Variants in SGCZ observed in about 807,000 individuals in gnomAD.
SGCZ encodes the protein sarcoglycan zeta.
SGCZ carries 40 observed loss-of-function variants against 41.3 expected under a neutral mutation model. The ratio of observed to expected loss-of-function variants is 0.97; its 90% CI spans 0.75 to 1.26. SGCZ has a LOEUF of 1.26. SGCZ is among the 50% of genes most tolerant of loss of function. The probability of loss-of-function intolerance (pLI) is 0.00; values close to 1 mark genes in which losing one functional copy is unlikely to be tolerated. For missense variants in SGCZ, 552 were observed against 369.8 expected, an observed-to-expected ratio of 1.49 and a Z score of -4.04; for synonymous variants, 206 against 137.5, an observed-to-expected ratio of 1.50 and a Z score of -3.49.
chr8:14,237,810 C>T (rs537537524), intron 3 of SGCZ, 131 bp from the exon 4 acceptor site: 23 of 680,186 alleles, frequency 3.4e-5, no homozygotes, highest in Middle Eastern at 4.2e-4. Context: ...GTTAATTTAA[C>T]GTCCCAATCA....
intron 1 of SGCZ, among the ~76,000 whole-genome samples, chr8:14,608,601 A>C (rs1805828147): frequency 6.6e-6 from 1 of 151,756 alleles, no homozygotes; most frequent in Admixed American, 6.6e-5. Context: ...AGAATTAAAT[A>C]AAACTATATT....
chr8:14,502,729 G>C (rs1390453356), intron 2 of SGCZ, among the ~76,000 whole-genome samples: 1 of 152,166 alleles, frequency 6.6e-6, no homozygotes, highest in Non-Finnish European at 1.5e-5. Flanking sequence ...TTGGAGAAAT[G>C]CAAGTCAAAA....
At chr8:14,798,602 A>G (rs1801214622) in intron 1 of SGCZ, among the ~76,000 whole-genome samples, 1 of 152,186 alleles carries the variant, frequency 6.6e-6, no homozygotes, top group South Asian at 2.1e-4. Context: ...TACTGTACTA[A>G]CTTGATAAAG....
chr8:14,177,310 T>C (rs1223528655), intron 4 of SGCZ, among the ~76,000 whole-genome samples: 1 of 152,148 alleles, frequency 6.6e-6, no homozygotes, highest in Admixed American at 6.5e-5. Flanking sequence ...GGAGAAAGGA[T>C]TGAAACTCCT....
In SGCZ at chr8:14,102,396, G is replaced by T. The variant is rs769125424; in HGVS notation, c.724C>A (p.Leu242Met). The T allele has an allele frequency of 6.6e-7, 1 of 1,519,954 alleles. No individual in the cohort carries two copies. 94.2% of individuals were successfully genotyped at this position (1,519,954 alleles called of 1,614,324 possible). A position where few individuals can be genotyped will look rare whatever the true frequency, so the allele number is the denominator to read the frequency against. The change falls in exon 7 of 8, where the codon CTG becomes ATG. Residue 242 changes from leucine (L) to methionine (M), a missense_variant. By Grantham distance (15) the Leu-to-Met change is conservative. Transcript: ENST00000382080. ...FKATCRKELHLQSTEGEIFLN... is the reference protein window; with the variant it reads ...FKATCRKELHMQSTEGEIFLN... ...CTCACCTCCCCTTCTGTAGATTGCA[G>T]ATGGAGCTCCTTCCTGCAGGTGGCC...
chr8:14,114,038 A>C (rs1011174230), intron 5 of SGCZ, among the ~76,000 whole-genome samples: 3 of 152,024 alleles, frequency 2.0e-5, no homozygotes, highest in African/African-American at 7.2e-5. Context: ...CCTTGTAAAA[A>C]TTACTGGTAT....
At chr8:14,424,487 T>G (rs1799721830) in intron 2 of SGCZ, among the ~76,000 whole-genome samples, 1 of 152,208 alleles carries the variant, frequency 6.6e-6, no homozygotes, top group Admixed American at 6.5e-5. Context: ...CTTATTTTTC[T>G]CTGTGAGTAT....
intron 1 of SGCZ, among the ~76,000 whole-genome samples, chr8:14,771,403 A>G (rs1422140511): frequency 6.6e-6 from 1 of 152,168 alleles, no homozygotes; most frequent in East Asian, 1.9e-4. Flanking sequence ...ATTGAGCTTC[A>G]CATGGCTAAA....
At chr8:15,115,095 A>G (rs1463656334) in intron 1 of SGCZ, among the ~76,000 whole-genome samples, 1 of 152,192 alleles carries the variant, frequency 6.6e-6, no homozygotes, top group Non-Finnish European at 1.5e-5. Context: ...ATAAAAATAT[A>G]AGAGTTTATT....
chr8:14,477,627 T>C (rs780710841), intron 2 of SGCZ, among the ~76,000 whole-genome samples: 1 of 152,184 alleles, frequency 6.6e-6, no homozygotes, highest in Non-Finnish European at 1.5e-5. Flanking sequence ...TGGCTCTATT[T>C]AGCTAAGTCT....
intron 4 of SGCZ, among the ~76,000 whole-genome samples, chr8:14,175,623 G>A (rs1448171046): frequency 6.6e-6 from 1 of 151,840 alleles, no homozygotes; most frequent in African/African-American, 2.4e-5. Flanking sequence ...AAATTAGTAT[G>A]TTTAAAAACA....
At chr8:14,276,680 A>G (rs894152608) in intron 3 of SGCZ, among the ~76,000 whole-genome samples, 10 of 152,002 alleles carry the variant, frequency 6.6e-5, no homozygotes, top group African/African-American at 1.2e-4. Flanking sequence ...TTTGTATTTT[A>G]TACTGTCTCT....
At chr8:14,720,200 T>C (rs1281047274) in intron 1 of SGCZ, among the ~76,000 whole-genome samples, 3 of 152,026 alleles carry the variant, frequency 2.0e-5, no homozygotes, top group African/African-American at 7.2e-5. Flanking sequence ...ATAAATATTT[T>C]ATACTACTTA....
intron 3 of SGCZ, among the ~76,000 whole-genome samples, chr8:14,295,064 T>C (rs140871478): frequency 5.4e-4 from 82 of 152,318 alleles, no homozygotes; most frequent in African/African-American, 1.9e-3. Context: ...CCCAGCATTC[T>C]GTAGAATAAA....
chr8:14,876,274 CA>C (rs1335286479), intron 1 of SGCZ, among the ~76,000 whole-genome samples: 1 of 152,042 alleles, frequency 6.6e-6, no homozygotes, highest in African/African-American at 2.4e-5. Flanking sequence ...AAGAAGAAGA[CA>C]GGGGGAAATG....
At chr8:14,156,004 T>C (rs1260375369) in intron 5 of SGCZ, among the ~76,000 whole-genome samples, 1 of 152,012 alleles carries the variant, frequency 6.6e-6, no homozygotes, top group African/African-American at 2.4e-5. Context: ...TATAAAAGAT[T>C]AAATAATGGT....
chr8:14,361,738 G>T (rs543742902), intron 2 of SGCZ, among the ~76,000 whole-genome samples: 1 of 152,308 alleles, frequency 6.6e-6, no homozygotes, highest in East Asian at 1.9e-4. Flanking sequence ...GAGGAGTTGT[G>T]TTCCTTTGGA....
intron 1 of SGCZ, among the ~76,000 whole-genome samples, chr8:14,606,054 C>T (rs1224428746): frequency 6.6e-6 from 1 of 151,804 alleles, no homozygotes; most frequent in African/African-American, 2.4e-5. Flanking sequence ...TAAGTCTTGC[C>T]GATTACACCT....
At chr8:14,820,028 T>A (rs2130564988) in intron 1 of SGCZ, among the ~76,000 whole-genome samples, 1 of 152,016 alleles carries the variant, frequency 6.6e-6, no homozygotes, top group African/African-American at 2.4e-5. Flanking sequence ...AAAAACCACC[T>A]TGAATATAAA....
Sources: gnomAD v4.1 joint callset for allele counts (sites outside exome capture counted in the v4.1 genomes callset) on GRCh38, gnomAD v4.1.1 for gene constraint, MANE v1.5 for transcripts, NCBI Gene and HGNC (gene_info 2026-07-23, HGNC 2026-07-21) for gene names.